The following MORC2 variants were observed in gnomAD, a reference collection of about 807,000 sequenced individuals.
The protein encoded by MORC2 is ATPase MORC2.
In MORC2, 30 loss-of-function variants were observed where a neutral mutation model predicts 136.0. The observed-to-expected ratio is 0.22, with a 90% CI of 0.17 to 0.30. The LOEUF is 0.30. Ranked by LOEUF, MORC2 falls within the 10% of genes least tolerant of loss-of-function variation. MORC2 has a pLI of 1.00. For missense variants in MORC2, 922 were observed against 1,333.1 expected (o/e 0.69, Z 4.80); for synonymous variants, 439 against 487.0 (o/e 0.90, Z 1.30).
chr22:30,944,558 C>T (rs369304478), intron 6 of MORC2, among the ~76,000 whole-genome samples: 1 of 152,106 alleles, frequency 6.6e-6, no homozygotes, highest in Non-Finnish European at 1.5e-5. Context: ...TCGTTTGCTA[C>T]CAAGAATGCT....
chr22:30,928,043 C>T lies in MORC2; in HGVS notation c.3006G>A (p.Val1002=). 6.2e-7 allele frequency: 1 copy of T among 1,613,708 alleles called. No homozygotes were observed. ...CCTCCTGCACCTTTTGCAGGAGTGC[C>T]ACGATGTTGGTCCTCAGCTTCTGCA... ...EKLQKLRTNI[V]ALLQKVQEDI... Residue 1002 remains valine (V), a synonymous_variant, in exon 25 of 26, where the codon GTG becomes GTA. Coordinates refer to ENST00000397641, the MANE Select transcript of MORC2 (RefSeq NM_001303256.3).
In MORC2 at chr22:30,940,062, T is replaced by C. The variant is rs773707041; in HGVS notation, c.905-21A>G. On this transcript the variant is annotated intron_variant, in intron 10 of 25. Coordinates refer to ENST00000397641, the MANE Select transcript of MORC2 (RefSeq NM_001303256.3). ...TTCAGCTGAAACCCAGAAGAGAACA[T>C]GGTAAGAAATGCAAAGGTTCAAAAC... is the stretch of plus-strand genomic sequence containing the variant. 2.5e-6 allele frequency: 4 copies of C among 1,610,758 alleles called. No homozygotes were observed. In the South Asian group the frequency reaches 3.3e-5, roughly 13 times the overall value.
chr22:30,933,952 G>A (rs2040614970), intron 20 of MORC2, 108 bp downstream of exon 20: 5 of 1,416,492 alleles, frequency 3.5e-6, no homozygotes, highest in Non-Finnish European at 4.9e-6. Flanking sequence ...GGTGGGTTGT[G>A]TAGACTGCTG....
chr22:30,950,491 G>T (rs2040872569), intron 3 of MORC2, 46 bp from the exon 4 acceptor site: 2 of 1,578,032 alleles, frequency 1.3e-6, no homozygotes, highest in Non-Finnish European at 1.7e-6. Context: ...CCCACCACAG[G>T]GTGGCAACAT....
At chr22:30,936,668 G>A (rs1473330025) in intron 16 of MORC2, 25 bp from the exon 17 acceptor site, 2 of 1,608,268 alleles carry the variant, frequency 1.2e-6, no homozygotes, top group Admixed American at 1.7e-5. Context: ...TACTACAGAG[G>A]TCGTGGCAAA....
Position 30,932,135 on chromosome 22 carries a change from TG to T in MORC2, c.2841+223del, listed in dbSNP as rs2040584189. 6.1e-6 allele frequency: 3 copies of T among 493,006 alleles called. No individual in the cohort carries two copies. The highest frequency in any genetic ancestry group is 2.6e-5 in the South Asian group (1 of 38,304). 30.5% of individuals were successfully genotyped at this position (493,006 alleles called of 1,614,324 possible). On this transcript the variant is annotated intron_variant, in intron 24 of 25. Transcript: ENST00000397641. This position sits in a 1 kb window ranked among gnomAD's most constrained non-coding sequence, Gnocchi z 4.4. Reference sequence around the variant, plus strand: ...CCTAGCACCTGTGGTGGGAAGGGGTTGGCTTTCTGCACACCAGAGTCATATC... The same window carrying T: ...CCTAGCACCTGTGGTGGGAAGGGGTTGCTTTCTGCACACCAGAGTCATATC...
chr22:30,950,274 TAACA>T, intron 4 of MORC2, 99 bp downstream of exon 4: 1 of 1,211,388 alleles, frequency 8.3e-7, no homozygotes, highest in Non-Finnish European at 1.2e-6. Flanking sequence ...CTTCTAGACA[TAACA>T]TTGGAGGCAA....
chr22:30,958,628 G>A lies in MORC2; in HGVS notation c.122+13C>T. On this transcript the variant is annotated intron_variant, in intron 2 of 25. Coordinates refer to ENST00000397641, the MANE Select transcript of MORC2 (RefSeq NM_001303256.3). ...CACTTCAAGCACAGATTGTATGCCT[G>A]AAGACTACATACCTTGCATTATCAA... The A allele has an allele frequency of 6.5e-7, 1 of 1,543,856 alleles. No individual in the cohort carries two copies. The highest frequency in any genetic ancestry group is 8.8e-7 in the Non-Finnish European group (1 of 1,141,296).
At chr22:30,957,284 A>G (rs756817074) in intron 2 of MORC2, among the ~76,000 whole-genome samples, 1 of 152,234 alleles carries the variant, frequency 6.6e-6, no homozygotes, top group Non-Finnish European at 1.5e-5. Flanking sequence ...TGCAGTCAGC[A>G]GACTGATTCC....
At chr22:30,945,462 T>C (rs1602494987) in intron 6 of MORC2, among the ~76,000 whole-genome samples, 1 of 152,196 alleles carries the variant, frequency 6.6e-6, no homozygotes, top group South Asian at 2.1e-4. Context: ...CCTGCTTCTG[T>C]GGAAGTTGCG....
chr22:30,946,791 C>A (rs1252046025), intron 5 of MORC2, among the ~76,000 whole-genome samples: 6 of 152,160 alleles, frequency 3.9e-5, no homozygotes, highest in Non-Finnish European at 8.8e-5. Flanking sequence ...TGAAGAGTAA[C>A]CCTGCTGTCT....
At chr22:30,928,491 C>T (rs190540446) in intron 24 of MORC2, among the ~76,000 whole-genome samples, 1 of 152,314 alleles carries the variant, frequency 6.6e-6, no homozygotes, top group Non-Finnish European at 1.5e-5. Context: ...AGGGGCGATT[C>T]TTACCATTCC....
rs1410918616 is a variant in MORC2, at chr22:30,941,848, A to C, written c.698+43T>G. On this transcript the variant is annotated intron_variant, in intron 8 of 25. Transcript: ENST00000397641. The surrounding 1 kb of genome is among the most constrained non-coding windows in gnomAD (Gnocchi z 4.6). The stretch of plus-strand genomic sequence containing the variant: ...CCTGAAGCCATCTCCTGAGAGCACA[A>C]ACGCCAGTTCCAGGGCCTCCCTCCC... 1 of 1,507,224 alleles carries C rather than the reference A, an allele frequency of 6.6e-7. No homozygotes were observed. Among genetic ancestry groups the C allele is most frequent in the Admixed American group, 1.7e-5 (1 of 59,848 alleles). The allele number at this position is 1,507,224 out of a possible 1,614,324, so 93.4% of individuals were successfully genotyped here. A position where few individuals can be genotyped will look rare whatever the true frequency, so the allele number is the denominator to read the frequency against.
rs2041063108 is a variant in MORC2 at position 30,962,532 on chromosome 22, T to A, written c.69-3838A>T. On this transcript the variant is annotated intron_variant, in intron 1 of 25. Coordinates refer to ENST00000397641, the MANE Select transcript of MORC2 (RefSeq NM_001303256.3). ...ATGGCCTGAGCCTAAGAAGCGAGGG[T>A]TGCAGTGAGCCAAGACTGCGCCACG... Among the ~76,000 whole-genome samples, 2 of 151,144 alleles carry A rather than the reference T, an allele frequency of 1.3e-5. 1 individual carries two copies. Among genetic ancestry groups the A allele is most frequent in the South Asian group, 4.2e-4 (2 of 4,758 alleles).
chr22:30,950,353 C>CCCAAAAAAAA, intron 4 of MORC2, 24 bp downstream of exon 4: 2 of 1,481,918 alleles, frequency 1.3e-6, no homozygotes, highest in Non-Finnish European at 1.9e-6. Context: ...CCCCACCCCC[C>CCCAAAAAAAA]AAAACAATAA....
At chr22:30,961,999 C>A (rs1295048622) in intron 1 of MORC2, among the ~76,000 whole-genome samples, 1 of 151,944 alleles carries the variant, frequency 6.6e-6, no homozygotes, top group Non-Finnish European at 1.5e-5. Flanking sequence ...AGTTTGAGAC[C>A]AGCCTGGCCA....
chr22:30,964,503 A>G (rs1602517877), intron 1 of MORC2, among the ~76,000 whole-genome samples: 1 of 152,262 alleles, frequency 6.6e-6, no homozygotes, highest in African/African-American at 2.4e-5. Flanking sequence ...TACTGCAAAC[A>G]AAGTGACTTA....
intron 2 of MORC2, among the ~76,000 whole-genome samples, chr22:30,957,446 C>T (rs1312050585): frequency 6.6e-6 from 1 of 152,216 alleles, no homozygotes; most frequent in African/African-American, 2.4e-5. Flanking sequence ...ATTCTGCCAA[C>T]TGCAAAGAAA....
rs550828206 is a variant in MORC2 at position 30,937,200 on chromosome 22, A to G, written c.1499-163T>C. Among the ~76,000 whole-genome samples the G allele has an allele frequency of 6.6e-6, 1 of 152,312 alleles. No individual in the cohort carries two copies. Among genetic ancestry groups the G allele is most frequent in the South Asian group, 2.1e-4 (1 of 4,824 alleles). On this transcript the variant is annotated intron_variant, in intron 15 of 25. Transcript: ENST00000397641. This position sits in a 1 kb window ranked among gnomAD's most constrained non-coding sequence, Gnocchi z 4.7. Reference sequence around the variant, plus strand: ...TCCTTAGAGAATACTAATTCTTCTCAGGGACACTGATTCCAGGAAGGATGG... The same window carrying G: ...TCCTTAGAGAATACTAATTCTTCTCGGGGACACTGATTCCAGGAAGGATGG...
Sources: gnomAD v4.1 joint callset for allele counts (sites outside exome capture counted in the v4.1 genomes callset) on GRCh38, gnomAD v4.1.1 for gene constraint, Gnocchi (gnomAD v3.1) non-coding constraint, MANE v1.5 for transcripts, NCBI Gene and HGNC (gene_info 2026-07-23, HGNC 2026-07-21) for gene names.